The following MELTF variants were observed in gnomAD, a reference collection of about 807,000 sequenced individuals.
MELTF encodes the protein melanotransferrin.
A neutral mutation model predicts 83.7 loss-of-function variants in MELTF; 67 were observed. The observed-to-expected ratio is 0.80, with a 90% CI of 0.66 to 0.98. The LOEUF (loss-of-function observed/expected upper bound fraction) is 0.98, where lower values mean the gene tolerates loss of function less well. MELTF is among the 50% of genes least tolerant of loss of function. The pLI is 0.00. For synonymous variants in MELTF, 462 were observed against 447.6 expected (o/e 1.03, Z -0.41); for missense variants, 1,002 against 1,035.6 (o/e 0.97, Z 0.44).
intron 2 of MELTF, 117 bp from the exon 3 acceptor site, chr3:197,026,876 C>G: frequency 1.3e-6 from 1 of 769,440 alleles, no homozygotes; most frequent in East Asian, 2.7e-5. Flanking sequence ...CTGTGCTGTC[C>G]TTCTCATCTG....
At chr3:197,023,269 G>A (rs1303467592) in intron 4 of MELTF, among the ~76,000 whole-genome samples, 156 bp from the exon 5 acceptor site, 1 of 152,164 alleles carries the variant, frequency 6.6e-6, no homozygotes, top group South Asian at 2.1e-4. Flanking sequence ...GAGTGGACCC[G>A]ATCAGTGACC....
intron 6 of MELTF, among the ~76,000 whole-genome samples, chr3:197,017,847 A>C (rs1206435432): frequency 6.6e-6 from 1 of 152,184 alleles, no homozygotes; most frequent in Admixed American, 6.5e-5. Flanking sequence ...ACTGCACTCC[A>C]GCCTGGGCGA....
intron 6 of MELTF, chr3:197,019,480 G>C: frequency 6.8e-7 from 1 of 1,473,066 alleles, no homozygotes; most frequent in South Asian, 1.5e-5. Flanking sequence ...GTGCACGCCT[G>C]TCATCCCAGC....
chr3:197,016,198 C>A lies in MELTF; in HGVS notation c.1072G>T (p.Asp358Tyr). Reference sequence around the variant, plus strand: ...GGACAGGTGGACTTACGGTTGGGGTCACAGAGCAGACCCTTCATGGCGTGC... The same window carrying A: ...GGACAGGTGGACTTACGGTTGGGGTAACAGAGCAGACCCTTCATGGCGTGC... Reference protein sequence around the residue: ...YLHAMKGLLCDPNRLPPYLRW... With the variant: ...YLHAMKGLLCYPNRLPPYLRW... Residue 358 changes from aspartate (D) to tyrosine (Y), a missense_variant, in exon 8 of 16, where the codon GAC becomes TAC. By Grantham distance (160) the Asp-to-Tyr change is radical. Transcript: ENST00000296350. 6.5e-7 allele frequency: 1 copy of A among 1,547,854 alleles called. No homozygotes were observed. The highest frequency in any genetic ancestry group is 8.7e-7 in the Non-Finnish European group (1 of 1,145,832).
In MELTF at chr3:197,019,531, G is replaced by A. The variant is rs1560219514; in HGVS notation, c.712+1873C>T. 7 of 1,536,232 alleles carry A rather than the reference G, an allele frequency of 4.6e-6. No homozygotes were observed. In the South Asian group the frequency reaches 6.3e-5, roughly 14 times the overall value. ...GATGCGAGGATCAGTTGAGGCTGGG[G>A]GTTTGAGACCAGCCTGGGCAACATG... On this transcript the variant is annotated intron_variant, in intron 6 of 15. Coordinates refer to ENST00000296350, the MANE Select transcript of MELTF (RefSeq NM_005929.6).
chr3:197,009,112 T>G, intron 11 of MELTF, 147 bp from the exon 12 acceptor site: 1 of 897,488 alleles, frequency 1.1e-6, no homozygotes, highest in Non-Finnish European at 1.7e-6. Context: ...CAGCTCTGAG[T>G]GGAGTGTCTC....
At chr3:197,015,268 C>T in intron 9 of MELTF, 97 bp downstream of exon 9, 1 of 1,388,614 alleles carries the variant, frequency 7.2e-7, no homozygotes, top group South Asian at 1.4e-5. Context: ...AGACACTCTC[C>T]TCTTCCCCAG....
intron 2 of MELTF, among the ~76,000 whole-genome samples, chr3:197,027,451 CGCCTGCG>C (rs1719901491): frequency 6.6e-6 from 1 of 152,254 alleles, no homozygotes; most frequent in African/African-American, 2.4e-5. Flanking sequence ...AGCAAGTAAC[CGCCTGCG>C]GCCACTGAGG....
Position 197,008,904 on chromosome 3 carries a change from GGAGGGGTA to G in MELTF, c.1579_1586del (p.Tyr527LeufsTer40), listed in dbSNP as rs1352749315. 6.2e-7 allele frequency: 1 copy of G among 1,614,208 alleles called. No homozygotes were observed. Among genetic ancestry groups the G allele is most frequent in the Non-Finnish European group, 8.5e-7 (1 of 1,180,018 alleles). ...CCCCCACGCACAGTGCACACAGCGA[GGAGGGGTA>G]GTTCTTGGGGTTGTTCACGGGCACG... On this transcript the variant is annotated frameshift_variant, in exon 12 of 16. Transcript: ENST00000296350. LOFTEE classifies it high-confidence loss of function. The surrounding 1 kb of genome is among the most constrained non-coding windows in gnomAD (Gnocchi z 5.4).
intron 14 of MELTF, among the ~76,000 whole-genome samples, chr3:197,005,281 C>T (rs1718936462): frequency 6.6e-6 from 1 of 152,198 alleles, no homozygotes; most frequent in South Asian, 2.1e-4. Flanking sequence ...AATGGAAAAG[C>T]TAAAGTTGCT....
Position 197,006,722 on chromosome 3 carries a change from G to C in MELTF, c.1765C>G (p.Pro589Ala), listed in dbSNP as rs757048890. 6.5e-7 allele frequency: 1 copy of C among 1,535,898 alleles called. No individual in the cohort carries two copies. Among genetic ancestry groups the C allele is most frequent in the African/African-American group, 1.4e-5 (1 of 71,480 alleles). The stretch of plus-strand genomic sequence containing the variant: ...TCTGACCTGAGCTCAGCAGCCCAGG[G>C]CTCGGAATTGTGGCCTGAGGGGGGT... The part of the protein sequence containing the change: ...FDNTNGHNSE[P>A]WAAELRSEDY... Residue 589 changes from proline to alanine, a missense_variant, in exon 14 of 16, where the codon CCC (proline) becomes GCC (alanine). Transcript: ENST00000296350. This position sits in a 1 kb window ranked among gnomAD's most constrained non-coding sequence, Gnocchi z 5.4.
In MELTF at chr3:197,020,211, A is replaced by C. The variant is rs184653036; in HGVS notation, c.712+1193T>G. Among the ~76,000 whole-genome samples, 29 of 152,354 alleles carry C rather than the reference A, an allele frequency of 1.9e-4. No individual in the cohort carries two copies. The East Asian group carries it at 5.0e-3, about 26-fold the overall frequency. On this transcript the variant is annotated intron_variant, in intron 6 of 15. Coordinates refer to ENST00000296350, the MANE Select transcript of MELTF (RefSeq NM_005929.6). ...AAACAAAGACTGAGAAACTGTTCCA[A>C]GATAAAGGAAAGTAAAGAGATCTAA...
chr3:197,016,009 G>T (rs537100020), intron 8 of MELTF, among the ~76,000 whole-genome samples, 180 bp downstream of exon 8: 1 of 152,304 alleles, frequency 6.6e-6, no homozygotes, highest in South Asian at 2.1e-4. Flanking sequence ...GGTACAACAG[G>T]CCATACAGTG....
At chr3:197,020,323 T>C (rs1182591653) in intron 6 of MELTF, among the ~76,000 whole-genome samples, 7 of 152,222 alleles carry the variant, frequency 4.6e-5, no homozygotes, top group Non-Finnish European at 8.8e-5. Context: ...TGAGTGAATC[T>C]GCAATATCGG....
chr3:197,001,934 G>A lies in MELTF; in HGVS notation c.*1438C>T, dbSNP rs1718744786. 1 of 152,286 alleles carries A rather than the reference G, an allele frequency of 6.6e-6. No individual in the cohort carries two copies. The highest frequency in any genetic ancestry group is 1.5e-5 in the Non-Finnish European group (1 of 68,120). The allele number at this position is 152,286 out of a possible 1,614,324, so 9.4% of individuals were successfully genotyped here. ...ACGCTAGCCCAGAGTTAGCCACACA[G>A]AAACACACTTCTCACCGCACAAAAC... On this transcript the variant is annotated 3_prime_UTR_variant, in exon 16 of 16. Transcript: ENST00000296350.
chr3:197,003,848 G>A lies in MELTF; in HGVS notation c.2137+53C>T. ...GCCCCCCGCTCCCTCAGGGTTCTGG[G>A]GTGAAGGGGTCTGAATAGCACCAGG... On this transcript the variant is annotated intron_variant, in intron 15 of 15. Coordinates refer to ENST00000296350, the MANE Select transcript of MELTF (RefSeq NM_005929.6). This position sits in a 1 kb window ranked among gnomAD's most constrained non-coding sequence, Gnocchi z 6.2. 6.3e-7 allele frequency: 1 copy of A among 1,577,720 alleles called. No individual in the cohort carries two copies. Among genetic ancestry groups the A allele is most frequent in the Non-Finnish European group, 8.6e-7 (1 of 1,156,428 alleles).
At chr3:197,019,349 T>C in intron 6 of MELTF, 1 of 1,169,360 alleles carries the variant, frequency 8.6e-7, no homozygotes, top group Non-Finnish European at 1.1e-6. Context: ...ACTTCCCTGC[T>C]TTAGACATTT....
Position 197,003,728 on chromosome 3 carries a change from C to T in MELTF, c.2137+173G>A, listed in dbSNP as rs996676047. ...TCTGGGAGACCCGCCGGGCTCCCGC[C>T]CTCCCGGCCCGCAGCCTCCTGGCCA... On this transcript the variant is annotated intron_variant, in intron 15 of 15. Coordinates refer to ENST00000296350, the MANE Select transcript of MELTF (RefSeq NM_005929.6). The surrounding 1 kb of genome is among the most constrained non-coding windows in gnomAD (Gnocchi z 6.2). 14 of 743,738 alleles carry T rather than the reference C, an allele frequency of 1.9e-5. No homozygotes were observed. The highest frequency in any genetic ancestry group is 3.0e-5 in the Non-Finnish European group (14 of 467,534). The allele number at this position is 743,738 out of a possible 1,614,324, so 46.1% of individuals were successfully genotyped here.
In MELTF at chr3:197,024,153, G is replaced by C; in HGVS notation, c.487+150C>G. On this transcript the variant is annotated intron_variant, in intron 4 of 15. Transcript: ENST00000296350. This position sits in a 1 kb window ranked among gnomAD's most constrained non-coding sequence, Gnocchi z 5.3. Reference sequence around the variant, plus strand: ...CGCCGGCGGCAGAGTGGAGGCGGGGGAGGCACGGGGCGGGCGGGGGCTGCT... The same window carrying C: ...CGCCGGCGGCAGAGTGGAGGCGGGGCAGGCACGGGGCGGGCGGGGGCTGCT... 1.2e-6 allele frequency: 1 copy of C among 803,160 alleles called. No homozygotes were observed. The highest frequency in any genetic ancestry group is 1.9e-6 in the Non-Finnish European group (1 of 526,532). 49.8% of individuals were successfully genotyped at this position (803,160 alleles called of 1,614,324 possible).
Sources: allele counts gnomAD v4.1 joint callset (sites outside exome capture counted in the v4.1 genomes callset), GRCh38; gene constraint gnomAD v4.1.1; non-coding constraint Gnocchi (gnomAD v3.1); transcripts MANE v1.5; gene names NCBI Gene and HGNC (gene_info 2026-07-23, HGNC 2026-07-21).